The following ANO2 variants were observed in gnomAD, a reference collection of about 807,000 sequenced individuals.
ANO2 encodes anoctamin 2, also known as anoctamin-2.
Under a neutral mutation model 124.2 loss-of-function variants are expected in ANO2, and 101 were observed. The ratio of observed to expected loss-of-function variants is 0.81; its 90% CI spans 0.69 to 0.96. ANO2 has a LOEUF of 0.96. ANO2 is among the 40% of genes least tolerant of loss of function. ANO2 has a pLI of 0.00. For synonymous variants in ANO2, 486 were observed against 482.5 expected (o/e 1.01, Z -0.09); for missense variants, 1,293 against 1,274.5 (o/e 1.01, Z -0.22).
chr12:5,822,498 A>G (rs970740760), intron 7 of ANO2, among the ~76,000 whole-genome samples: 23 of 152,238 alleles, frequency 1.5e-4, no homozygotes, highest in Admixed American at 7.9e-4. Flanking sequence ...TGGAGGTTAC[A>G]CATGGGCTTA....
chr12:5,851,862 A>C (rs1954922009), intron 4 of ANO2: 4 of 700,002 alleles, frequency 5.7e-6, no homozygotes, highest in Non-Finnish European at 1.0e-5. Context: ...GCGGAGGTTG[A>C]AAAAGGACAC....
chr12:5,649,620 G>T (rs1414924564), intron 14 of ANO2, among the ~76,000 whole-genome samples: 1 of 151,856 alleles, frequency 6.6e-6, no homozygotes, highest in Admixed American at 6.6e-5. Flanking sequence ...TTTTTGGGGG[G>T]TGGGGATGGA....
intron 14 of ANO2, among the ~76,000 whole-genome samples, chr12:5,690,049 AG>A: frequency 6.6e-6 from 1 of 152,132 alleles, no homozygotes; most frequent in East Asian, 1.9e-4. Flanking sequence ...CTGTACAAGC[AG>A]GCACAGCAGG....
intron 1 of ANO2, among the ~76,000 whole-genome samples, chr12:5,928,329 G>C (rs1942183575): frequency 6.6e-6 from 1 of 152,186 alleles, no homozygotes; most frequent in South Asian, 2.1e-4. Context: ...AGCAAAACCA[G>C]ACAGGCCCAG....
chr12:5,917,474 T>C (rs1941446807), intron 3 of ANO2, among the ~76,000 whole-genome samples: 1 of 152,152 alleles, frequency 6.6e-6, no homozygotes, highest in South Asian at 2.1e-4. Flanking sequence ...TAATATTCTT[T>C]GTTAGTGTTC....
intron 7 of ANO2, among the ~76,000 whole-genome samples, chr12:5,812,335 A>AGGAG (rs1221759573): frequency 1.3e-4 from 16 of 125,212 alleles, no homozygotes; most frequent in Admixed American, 1.2e-3. Flanking sequence ...GAGGGAGGGA[A>AGGAG]GGAGGGAGGA....
rs777056939 is a variant in ANO2, at chr12:5,732,510, A to G, written c.1545+10T>C. 28 of 1,605,624 alleles carry G rather than the reference A, an allele frequency of 1.7e-5. No individual in the cohort carries two copies. The highest frequency in any genetic ancestry group is 2.2e-5 in the Non-Finnish European group (26 of 1,175,662). On this transcript the variant is annotated intron_variant, in intron 14 of 24. Coordinates refer to ENST00000682330, the MANE Select transcript of ANO2 (RefSeq NM_001364791.2). ...AAAGAGGACCGTGAGCAGCAAGTCC[A>G]GCTTCATACCTCATCGCCACACTCC... is the stretch of plus-strand genomic sequence containing the variant.
At chr12:5,570,351 T>A (rs937028903) in intron 23 of ANO2, among the ~76,000 whole-genome samples, 2 of 152,144 alleles carry the variant, frequency 1.3e-5, no homozygotes, top group African/African-American at 4.8e-5. Context: ...TGCCTGGGGT[T>A]GGGCAGGGGT....
At chr12:5,800,253 G>T (rs924125005) in intron 9 of ANO2, among the ~76,000 whole-genome samples, 1 of 152,228 alleles carries the variant, frequency 6.6e-6, no homozygotes, top group African/African-American at 2.4e-5. Flanking sequence ...CTGGGGCAGA[G>T]TGAGCACGGG....
chr12:5,643,709 C>T (rs1325499739), intron 15 of ANO2, among the ~76,000 whole-genome samples: 1 of 152,060 alleles, frequency 6.6e-6, no homozygotes. Flanking sequence ...ATATCTTTTC[C>T]AACACTTGTT....
intron 21 of ANO2, 122 bp from the exon 22 acceptor site, chr12:5,578,129 A>C: frequency 7.5e-7 from 1 of 1,325,688 alleles, no homozygotes; most frequent in Non-Finnish European, 1.0e-6. Context: ...GCCCCCCCAG[A>C]ATGGGCTTGT....
At chr12:5,928,515 T>C (rs73047681) in intron 1 of ANO2, among the ~76,000 whole-genome samples, 30,617 of 106,260 alleles carry the variant, frequency 0.29, 5,880 homozygotes, top group East Asian at 0.71. Context: ...CCTTCCTCTC[T>C]AGTCTACCTT....
chr12:5,720,779 G>C (rs919323086), intron 14 of ANO2, among the ~76,000 whole-genome samples: 1 of 151,672 alleles, frequency 6.6e-6, no homozygotes, highest in Non-Finnish European at 1.5e-5. Context: ...TCTCTCTATA[G>C]CTTTGCTTCC....
chr12:5,567,524 T>C (rs770042901), intron 23 of ANO2, among the ~76,000 whole-genome samples: 1 of 152,194 alleles, frequency 6.6e-6, no homozygotes, highest in African/African-American at 2.4e-5. Context: ...CTCCTTACCA[T>C]GGGGAAATCC....
intron 14 of ANO2, among the ~76,000 whole-genome samples, chr12:5,704,073 G>C (rs1022007578): frequency 2.0e-5 from 3 of 152,092 alleles, no homozygotes; most frequent in African/African-American, 7.2e-5. Flanking sequence ...ATCTGAAAAG[G>C]ATGAGTGCTA....
chr12:5,943,099 C>T (rs7310736), intron 1 of ANO2, among the ~76,000 whole-genome samples: 51,625 of 152,078 alleles, frequency 0.34, 11,009 homozygotes, highest in East Asian at 0.79. Flanking sequence ...TTAGATCCAG[C>T]AATCCCACTA....
At chr12:5,619,294 C>T (rs537865614) in intron 16 of ANO2, among the ~76,000 whole-genome samples, 1 of 152,230 alleles carries the variant, frequency 6.6e-6, no homozygotes, top group East Asian at 1.9e-4. Context: ...TAGGAAATAC[C>T]GTATTTGGTA....
chr12:5,676,471 C>T (rs1363001914), intron 14 of ANO2, among the ~76,000 whole-genome samples: 2 of 152,224 alleles, frequency 1.3e-5, no homozygotes, highest in South Asian at 2.1e-4. Flanking sequence ...CAGTACATCT[C>T]GTTTTATTTA....
Position 5,867,800 on chromosome 12 carries a change from AC to A in ANO2, c.535-13660del, listed in dbSNP as rs200855677. Among the ~76,000 whole-genome samples, 36 of 148,782 alleles carry A rather than the reference AC, an allele frequency of 2.4e-4. 4 individuals are homozygous for A. The highest frequency in any genetic ancestry group is 2.0e-4 in the East Asian group (1 of 5,108). ...AATGAAAAAAAAAAAAAAAAAAAAA[AC>A]CAGTGGATTTGATTACTTCGTGAGC... On this transcript the variant is annotated intron_variant, in intron 3 of 24. Coordinates refer to ENST00000682330, the MANE Select transcript of ANO2 (RefSeq NM_001364791.2).
Sources: gnomAD v4.1 joint callset for allele counts (sites outside exome capture counted in the v4.1 genomes callset) on GRCh38, gnomAD v4.1.1 for gene constraint, MANE v1.5 for transcripts, NCBI Gene and HGNC (gene_info 2026-07-23, HGNC 2026-07-21) for gene names.